The following ZNF565 variants were observed in gnomAD, a reference collection of about 807,000 sequenced individuals.
The protein encoded by ZNF565 is zinc finger protein 565.
In ZNF565, 27 loss-of-function variants were observed where a neutral mutation model predicts 39.4. That is an observed-to-expected ratio of 0.69 (90% CI 0.51 to 0.95). The LOEUF is 0.95. Among genes scored for constraint, ZNF565 ranks in the 40% least tolerant of loss-of-function variants. The pLI is 0.00. For missense variants in ZNF565, 524 were observed against 621.1 expected, an observed-to-expected ratio of 0.84 and a Z score of 1.66; for synonymous variants, 185 against 216.6, an observed-to-expected ratio of 0.85 and a Z score of 1.28.
chr19:36,202,151 T>A (rs1975987682), intron 1 of ZNF565, 101 bp from the exon 2 acceptor site: 1 of 689,774 alleles, frequency 1.4e-6, no homozygotes, highest in Admixed American at 2.2e-5. Context: ...ACTTCCAATG[T>A]CTCGGATCTG....
intron 1 of ZNF565, among the ~76,000 whole-genome samples, chr19:36,213,885 C>T (rs1415730737): frequency 4.6e-5 from 7 of 151,030 alleles, no homozygotes; most frequent in African/African-American, 1.5e-4. Flanking sequence ...CAATCACACA[C>T]CCGCTAAGAC....
chr19:36,237,313 T>C (rs754022081), intron 1 of ZNF565: 1 of 1,601,846 alleles, frequency 6.2e-7, no homozygotes, highest in South Asian at 1.1e-5. Flanking sequence ...AAATTCATAC[T>C]CACTAAAAAC....
chr19:36,208,698 C>G (rs1275760962), intron 1 of ZNF565, among the ~76,000 whole-genome samples: 1 of 152,152 alleles, frequency 6.6e-6, no homozygotes, highest in African/African-American at 2.4e-5. Context: ...GGCCTAGGCT[C>G]AGGGGCTGAG....
At chr19:36,223,054 GT>G in intron 1 of ZNF565, among the ~76,000 whole-genome samples, 1 of 152,052 alleles carries the variant, frequency 6.6e-6, no homozygotes, top group African/African-American at 2.4e-5. Context: ...GCCCAAGCAA[GT>G]CTCAGACTCC....
chr19:36,232,288 A>G (rs1977415717), intron 1 of ZNF565, among the ~76,000 whole-genome samples: 1 of 151,396 alleles, frequency 6.6e-6, no homozygotes, highest in Admixed American at 6.6e-5. Flanking sequence ...GCCTTTGATT[A>G]TGAAATATTC....
At chr19:36,230,643 G>T (rs1977297306) in intron 1 of ZNF565, among the ~76,000 whole-genome samples, 1 of 152,186 alleles carries the variant, frequency 6.6e-6, no homozygotes, top group African/African-American at 2.4e-5. Context: ...GGAGAAGCTT[G>T]CTGTCCTGTT....
intron 1 of ZNF565, among the ~76,000 whole-genome samples, chr19:36,205,585 C>T (rs773800245): frequency 6.6e-6 from 1 of 152,140 alleles, no homozygotes; most frequent in East Asian, 1.9e-4. Flanking sequence ...GGAAGGAAAC[C>T]TAAGAATTTA....
At chr19:36,193,291 T>G (rs1975632039) in intron 4 of ZNF565, among the ~76,000 whole-genome samples, 1 of 151,626 alleles carries the variant, frequency 6.6e-6, no homozygotes, top group South Asian at 2.1e-4. Context: ...CCAATTTTTG[T>G]ATTTTTAGTA....
At chr19:36,234,688 C>G (rs368625193) in intron 1 of ZNF565, among the ~76,000 whole-genome samples, 101 of 152,300 alleles carry the variant, frequency 6.6e-4, no homozygotes, top group Non-Finnish European at 1.0e-3. Flanking sequence ...TGAGCCACTG[C>G]GCCCGGCCAG....
chr19:36,190,564 G>A (rs1274382562), intron 4 of ZNF565, among the ~76,000 whole-genome samples: 1 of 140,170 alleles, frequency 7.1e-6, no homozygotes. Flanking sequence ...CAACAAGGGC[G>A]AAACTCCATC....
chr19:36,194,990 C>A, intron 3 of ZNF565, 40 bp downstream of exon 3: 1 of 1,614,070 alleles, frequency 6.2e-7, no homozygotes, highest in Non-Finnish European at 8.5e-7. Flanking sequence ...GTCCCTGTTG[C>A]CTTGCTTTCC....
chr19:36,201,373 AT>A (rs1358569483), intron 2 of ZNF565, among the ~76,000 whole-genome samples: 2 of 152,178 alleles, frequency 1.3e-5, no homozygotes, highest in Non-Finnish European at 2.9e-5. Flanking sequence ...AAACTACTTT[AT>A]TTCATGTTTG....
At chr19:36,232,654 G>A (rs1053971965) in intron 1 of ZNF565, among the ~76,000 whole-genome samples, 2 of 150,008 alleles carry the variant, frequency 1.3e-5, no homozygotes, top group Non-Finnish European at 3.0e-5. Flanking sequence ...TGTCACCCAG[G>A]CTGGAGTGCA....
At chr19:36,219,985 G>A (rs977948709) in intron 1 of ZNF565, among the ~76,000 whole-genome samples, 2 of 151,818 alleles carry the variant, frequency 1.3e-5, no homozygotes, top group African/African-American at 4.8e-5. Flanking sequence ...TATATTTAGC[G>A]TGTTCTAGAA....
intron 1 of ZNF565, among the ~76,000 whole-genome samples, chr19:36,244,630 A>C (rs2029879825): frequency 1.3e-5 from 2 of 152,134 alleles, no homozygotes; most frequent in Admixed American, 6.5e-5. Context: ...AGGCCGGTGG[A>C]TCACGAGGCC....
At chr19:36,194,394 C>T in intron 3 of ZNF565, 66 bp from the exon 4 acceptor site, 1 of 1,331,020 alleles carries the variant, frequency 7.5e-7, no homozygotes, top group African/African-American at 1.5e-5. Flanking sequence ...GTTCCCTGGT[C>T]ACCATGGAAA....
At chr19:36,209,264 C>T (rs955219820) in intron 1 of ZNF565, among the ~76,000 whole-genome samples, 2 of 152,160 alleles carry the variant, frequency 1.3e-5, no homozygotes, top group Admixed American at 6.6e-5. Context: ...GGCGCAGTGG[C>T]TCACACCTAC....
upstream of ZNF565, among the ~76,000 whole-genome samples, chr19:36,218,457 C>T (rs1377031690): frequency 6.6e-6 from 1 of 151,692 alleles, no homozygotes; most frequent in Admixed American, 6.6e-5. Flanking sequence ...TGTAGATGCA[C>T]TTTTGTTATT....
rs1445915010 is a variant in ZNF565, at chr19:36,232,971, G to C, written c.55+12505C>G. Among the ~76,000 whole-genome samples, 3 of 152,094 alleles carry C rather than the reference G, an allele frequency of 2.0e-5. 1 individual carries two copies. The highest frequency in any genetic ancestry group is 6.3e-3 in the Middle Eastern group (2 of 316). On this transcript the variant is annotated intron_variant, in intron 1 of 4. Transcript: ENST00000355114. ...GAATCTCTTATGTACCCCCCATGTGGATTGAATAATTAATATTTTGCCACG... is the reference window on the plus strand; with the variant it reads ...GAATCTCTTATGTACCCCCCATGTGCATTGAATAATTAATATTTTGCCACG...
Sources: gnomAD v4.1 joint callset for allele counts (sites outside exome capture counted in the v4.1 genomes callset) on GRCh38, gnomAD v4.1.1 for gene constraint, MANE v1.5 for transcripts, NCBI Gene and HGNC (gene_info 2026-07-23, HGNC 2026-07-21) for gene names.